The following GABRB2 variants were observed in gnomAD, a reference collection of about 807,000 sequenced individuals.
GABRB2 encodes the protein gamma-aminobutyric acid receptor subunit beta-2.
GABRB2 carries 16 observed loss-of-function variants against 54.7 expected under a neutral mutation model. The ratio of observed to expected loss-of-function variants is 0.29; its 90% confidence interval spans 0.20 to 0.44. The LOEUF (loss-of-function observed/expected upper bound fraction) is 0.44. Ranked by LOEUF, GABRB2 falls within the 20% of genes least tolerant of loss-of-function variation. The probability of loss-of-function intolerance (pLI) is 1.00; values close to 1 mark genes in which losing one functional copy is unlikely to be tolerated. For synonymous variants in GABRB2, 244 were observed against 233.8 expected, an observed-to-expected ratio of 1.04 and a Z score of -0.40; for missense variants, 355 against 644.0, an observed-to-expected ratio of 0.55 and a Z score of 4.86.
intron 3 of GABRB2, among the ~76,000 whole-genome samples, chr5:161,544,616 C>T (rs1382241593): frequency 6.6e-6 from 1 of 152,148 alleles, no homozygotes; most frequent in Non-Finnish European, 1.5e-5. Flanking sequence ...GAATGAATTG[C>T]TAAAGTGAAC....
intron 3 of GABRB2, among the ~76,000 whole-genome samples, chr5:161,528,332 A>G (rs1760347185): frequency 6.6e-6 from 1 of 151,754 alleles, no homozygotes; most frequent in Non-Finnish European, 1.5e-5. Flanking sequence ...TATTATGTTT[A>G]CCGATTTCTA....
chr5:161,537,952 A>G (rs1196546200), intron 3 of GABRB2, among the ~76,000 whole-genome samples: 1 of 151,756 alleles, frequency 6.6e-6, no homozygotes, highest in East Asian at 1.9e-4. Context: ...TTCTGCTTGG[A>G]ACATCTATCC....
At chr5:161,353,965 T>A (rs960990033) in intron 5 of GABRB2, among the ~76,000 whole-genome samples, 3 of 152,054 alleles carry the variant, frequency 2.0e-5, no homozygotes, top group Admixed American at 6.6e-5. Flanking sequence ...TTCCCCAAAC[T>A]ACATTATCTT....
intron 4 of GABRB2, among the ~76,000 whole-genome samples, chr5:161,446,799 G>C (rs1158977496): frequency 6.6e-6 from 1 of 151,950 alleles, no homozygotes; most frequent in South Asian, 2.1e-4. Flanking sequence ...TCCAGATTTT[G>C]GCTCTTACTT....
intron 4 of GABRB2, among the ~76,000 whole-genome samples, chr5:161,447,807 T>C (rs1214113719): frequency 6.6e-6 from 1 of 152,210 alleles, no homozygotes; most frequent in Non-Finnish European, 1.5e-5. Flanking sequence ...GGTTGTGTAA[T>C]TTTTTAATCT....
At chr5:161,480,614 CAAAT>C (rs1758734557) in intron 3 of GABRB2, among the ~76,000 whole-genome samples, 1 of 151,928 alleles carries the variant, frequency 6.6e-6, no homozygotes, top group South Asian at 2.1e-4. Flanking sequence ...ACACAGGAAA[CAAAT>C]AACAGCTATT....
intron 9 of GABRB2, 147 bp from the exon 10 acceptor site, chr5:161,294,575 G>C: frequency 1.6e-6 from 1 of 634,400 alleles, no homozygotes; most frequent in Non-Finnish European, 2.7e-6. Flanking sequence ...AGTCTGAATT[G>C]AGACTCTACC....
chr5:161,383,891 A>G (rs984323357), intron 5 of GABRB2, among the ~76,000 whole-genome samples: 1 of 152,252 alleles, frequency 6.6e-6, no homozygotes, highest in Non-Finnish European at 1.5e-5. Flanking sequence ...TATATGCATA[A>G]AATGTATATA....
chr5:161,417,033 A>T (rs1367651146), intron 4 of GABRB2, among the ~76,000 whole-genome samples: 1 of 152,198 alleles, frequency 6.6e-6, no homozygotes, highest in East Asian at 1.9e-4. Context: ...TAAACTTCTG[A>T]AAATTCTACA....
At chr5:161,402,233 T>C (rs760493849) in intron 5 of GABRB2, among the ~76,000 whole-genome samples, 29 of 152,194 alleles carry the variant, frequency 1.9e-4, no homozygotes, top group Non-Finnish European at 4.0e-4. Flanking sequence ...GAAATTATGG[T>C]TCATTTAAAT....
chr5:161,321,353 C>T (rs1212753253), intron 9 of GABRB2, among the ~76,000 whole-genome samples: 1 of 152,048 alleles, frequency 6.6e-6, no homozygotes, highest in African/African-American at 2.4e-5. Flanking sequence ...TTTCGCTGTT[C>T]TTACACATAT....
chr5:161,516,834 A>G (rs1024285519), intron 3 of GABRB2, among the ~76,000 whole-genome samples: 2 of 152,176 alleles, frequency 1.3e-5, no homozygotes, highest in African/African-American at 4.8e-5. Context: ...ATCCCAGGTG[A>G]CAAAGATAAA....
intron 3 of GABRB2, among the ~76,000 whole-genome samples, chr5:161,476,629 T>C (rs1286189785): frequency 1.3e-5 from 2 of 151,690 alleles, no homozygotes; most frequent in Non-Finnish European, 2.9e-5. Context: ...AATCCAGAAA[T>C]AAACCCTCAA....
At chr5:161,547,583 G>A (rs987420961), upstream of GABRB2, among the ~76,000 whole-genome samples, 5 of 152,018 alleles carry the variant, frequency 3.3e-5, no homozygotes, top group Non-Finnish European at 7.4e-5. Flanking sequence ...GGGGAGGGGG[G>A]CGAGGGGAGC....
At chr5:161,505,512 T>A (rs1325464315) in intron 3 of GABRB2, among the ~76,000 whole-genome samples, 1 of 152,040 alleles carries the variant, frequency 6.6e-6, no homozygotes, top group Non-Finnish European at 1.5e-5. Flanking sequence ...GTGCACCTAT[T>A]TTTCACAGGA....
At chr5:161,449,225 T>A (rs1320864991) in intron 4 of GABRB2, among the ~76,000 whole-genome samples, 12 of 152,304 alleles carry the variant, frequency 7.9e-5, no homozygotes, top group Middle Eastern at 3.4e-3. Flanking sequence ...CATTAGCAAG[T>A]TACTTATTCC....
chr5:161,455,368 T>C (rs1757921314), intron 4 of GABRB2, among the ~76,000 whole-genome samples: 1 of 152,084 alleles, frequency 6.6e-6, no homozygotes, highest in Non-Finnish European at 1.5e-5. Flanking sequence ...CCACCTCTTC[T>C]GACACAGGTA....
chr5:161,412,000 T>C (rs537419042), intron 4 of GABRB2, among the ~76,000 whole-genome samples: 50 of 152,210 alleles, frequency 3.3e-4, no homozygotes, highest in African/African-American at 1.2e-3. Context: ...CTGAGGGAAA[T>C]TAAAAGTAGA....
At chr5:161,383,072 T>A (rs953909158) in intron 5 of GABRB2, among the ~76,000 whole-genome samples, 2 of 152,212 alleles carry the variant, frequency 1.3e-5, no homozygotes, top group African/African-American at 4.8e-5. Context: ...TTAAAATACG[T>A]AATTGACAAG....
Sources: gnomAD v4.1 joint callset for allele counts (sites outside exome capture counted in the v4.1 genomes callset) on GRCh38, gnomAD v4.1.1 for gene constraint, MANE v1.5 for transcripts, NCBI Gene and HGNC (gene_info 2026-07-23, HGNC 2026-07-21) for gene names.